PTK2B: variants seen among roughly 807,000 people sequenced by gnomAD.
PTK2B encodes protein-tyrosine kinase 2-beta.
Under a neutral mutation model 142.9 loss-of-function variants are expected in PTK2B, and 71 were observed. The observed-to-expected ratio is 0.50, with a 90% CI of 0.41 to 0.61. The LOEUF is 0.61. Among genes scored for constraint, PTK2B ranks in the 20% least tolerant of loss-of-function variants. The probability of loss-of-function intolerance (pLI) is 0.00; values close to 1 mark genes in which losing one functional copy is unlikely to be tolerated. For missense variants in PTK2B, 1,105 were observed against 1,320.4 expected, an observed-to-expected ratio of 0.84 and a Z score of 2.53; for synonymous variants, 519 against 503.4, an observed-to-expected ratio of 1.03 and a Z score of -0.42.
chr8:27,388,839 G>T (rs1807535145), intron 1 of PTK2B, among the ~76,000 whole-genome samples: 1 of 152,216 alleles, frequency 6.6e-6, no homozygotes, highest in Non-Finnish European at 1.5e-5. Context: ...CACCTGTGCT[G>T]TATCCTTGTG....
chr8:27,435,706 ATCTTGTCCACGGCTGAGCC>A lies in PTK2B; in HGVS notation c.1193-32_1193-14del. ...ATTCCTGGCGGTGCCCACCAAGGGC[ATCTTGTCCACGGCTGAGCC>A]TCTTCCTGTTGTTCCAGAGTCAGAC... is the stretch of plus-strand genomic sequence containing the variant. On this transcript the variant is annotated intron_variant, in intron 13 of 30. Coordinates refer to ENST00000346049, the MANE Select transcript of PTK2B (RefSeq NM_173176.3). 6.2e-7 allele frequency: 1 copy of A among 1,612,368 alleles called. No homozygotes were observed. Among genetic ancestry groups the A allele is most frequent in the Non-Finnish European group, 8.5e-7 (1 of 1,178,492 alleles).
intron 3 of PTK2B, 113 bp from the exon 4 acceptor site, chr8:27,420,544 G>A: frequency 1.0e-6 from 1 of 984,292 alleles, no homozygotes; most frequent in Non-Finnish European, 1.6e-6. Context: ...AGACTCATGG[G>A]CAGCCCTTCC....
At chr8:27,406,956 A>G (rs1385838019) in intron 2 of PTK2B, among the ~76,000 whole-genome samples, 1 of 151,966 alleles carries the variant, frequency 6.6e-6, no homozygotes, top group Non-Finnish European at 1.5e-5. Context: ...CTTTGGGGGG[A>G]AAAATCTGTG....
intron 1 of PTK2B, among the ~76,000 whole-genome samples, chr8:27,373,814 G>C (rs1158951108): frequency 6.6e-6 from 1 of 151,990 alleles, no homozygotes; most frequent in Admixed American, 6.6e-5. Context: ...AAGCAGGAGA[G>C]GCCCTGAGAG....
intron 1 of PTK2B, among the ~76,000 whole-genome samples, chr8:27,371,286 C>T (rs1806340990): frequency 6.6e-6 from 1 of 152,144 alleles, no homozygotes; most frequent in African/African-American, 2.4e-5. Flanking sequence ...GAGGGAGCTA[C>T]ACAGAGGGCA....
chr8:27,343,997 C>T (rs375477869), intron 1 of PTK2B, among the ~76,000 whole-genome samples: 56 of 151,608 alleles, frequency 3.7e-4, no homozygotes, highest in African/African-American at 1.3e-3. Flanking sequence ...AGCGAGAATC[C>T]GTCTCAAAAA....
At chr8:27,318,789 T>TA (rs1220758046) in intron 3 of PTK2B, among the ~76,000 whole-genome samples, 4 of 152,144 alleles carry the variant, frequency 2.6e-5, no homozygotes, top group Non-Finnish European at 5.9e-5. Context: ...TAGCTGGAAT[T>TA]ACAGGTATGC....
rs1812344678 is a variant in PTK2B at position 27,459,238 on chromosome 8, CCCTTGCTTTT to C, written c.*732_*741del. 1 of 233,878 alleles carries C rather than the reference CCCTTGCTTTT, an allele frequency of 4.3e-6. No individual in the cohort carries two copies. Among genetic ancestry groups the C allele is most frequent in the Non-Finnish European group, 8.4e-6 (1 of 118,594 alleles). The allele number at this position is 233,878 out of a possible 1,614,324, so 14.5% of individuals were successfully genotyped here. On this transcript the variant is annotated 3_prime_UTR_variant, in exon 31 of 31. Transcript: ENST00000346049. ...CTCTTTCTCTTTCTTCCTTTACTTT[CCCTTGCTTTT>C]CCCTCTTTTCTTACTCCTCCTCTTT...
rs779611649 is a variant in PTK2B, at chr8:27,454,599, T to G, written c.2802T>G (p.Ser934=). The change falls in exon 30 of 31, where the codon TCT becomes TCG. Residue 934 remains serine (S), a synonymous_variant. Coordinates refer to ENST00000346049, the MANE Select transcript of PTK2B (RefSeq NM_173176.3). ...ATCTCCTGCCTTCCTTGCCGTCATC[T>G]TCACGGACAGAGGTGAGCGTCCCAT... ...VDDLLPSLPS[S]SRTEIEGTQK... The G allele has an allele frequency of 6.2e-7, 1 of 1,614,120 alleles. No individual in the cohort carries two copies. Among genetic ancestry groups the G allele is most frequent in the Non-Finnish European group, 8.5e-7 (1 of 1,179,972 alleles).
At chr8:27,311,317 G>A (rs916676925), upstream of PTK2B, 19 of 1,420,426 alleles carry the variant, frequency 1.3e-5, no homozygotes, top group Admixed American at 2.8e-5. Context: ...CGCGACCCGA[G>A]TGCTGGGAAT....
chr8:27,413,314 G>A (rs1235244645), intron 2 of PTK2B, among the ~76,000 whole-genome samples: 5 of 152,198 alleles, frequency 3.3e-5, no homozygotes, highest in African/African-American at 1.2e-4. Flanking sequence ...ATCTAAATCA[G>A]GAAGTCAGCG....
chr8:27,314,456 T>C (rs1259333408), intron 3 of PTK2B, among the ~76,000 whole-genome samples: 1 of 152,182 alleles, frequency 6.6e-6, no homozygotes, highest in Non-Finnish European at 1.5e-5. Flanking sequence ...GGTGTGCGCC[T>C]ATAGCCTGAG....
chr8:27,419,218 C>G (rs560871335), intron 2 of PTK2B, among the ~76,000 whole-genome samples: 23 of 152,310 alleles, frequency 1.5e-4, no homozygotes, highest in African/African-American at 5.3e-4. Flanking sequence ...CAAGAGGGCA[C>G]GTGGTTTCTT....
At chr8:27,398,283 G>A (rs1382325096) in intron 2 of PTK2B, among the ~76,000 whole-genome samples, 3 of 152,170 alleles carry the variant, frequency 2.0e-5, no homozygotes, top group Non-Finnish European at 4.4e-5. Flanking sequence ...CCAGGTGGAG[G>A]GTTAACAGGT....
intron 10 of PTK2B, 56 bp from the exon 11 acceptor site, chr8:27,433,379 G>A (rs756134064): frequency 1.4e-6 from 2 of 1,457,584 alleles, no homozygotes; most frequent in South Asian, 2.3e-5. Flanking sequence ...CAGCCCTGGG[G>A]GTGGTCTCTA....
chr8:27,366,993 G>A (rs73568017), intron 1 of PTK2B, among the ~76,000 whole-genome samples: 6,813 of 152,240 alleles, frequency 0.045, 493 homozygotes, highest in African/African-American at 0.16. Flanking sequence ...GAGGTAGAAG[G>A]TGCCTGAGAC....
chr8:27,386,705 T>C (rs972222106), intron 1 of PTK2B, among the ~76,000 whole-genome samples: 1 of 152,176 alleles, frequency 6.6e-6, no homozygotes, highest in African/African-American at 2.4e-5. Flanking sequence ...TCTGTTTACA[T>C]AAAGCAAATG....
At chr8:27,448,498 C>T (rs976108186) in intron 24 of PTK2B, among the ~76,000 whole-genome samples, 1 of 152,212 alleles carries the variant, frequency 6.6e-6, no homozygotes, top group South Asian at 2.1e-4. Flanking sequence ...TGGAAGGCAT[C>T]AGGATGTCTC....
intron 1 of PTK2B, among the ~76,000 whole-genome samples, chr8:27,379,374 A>T (rs1219289923): frequency 6.6e-6 from 1 of 152,198 alleles, no homozygotes; most frequent in Non-Finnish European, 1.5e-5. Flanking sequence ...CTACAGGCAC[A>T]TGCCACCATG....
Sources: gnomAD v4.1 joint callset for allele counts (sites outside exome capture counted in the v4.1 genomes callset) on GRCh38, gnomAD v4.1.1 for gene constraint, MANE v1.5 for transcripts, NCBI Gene and HGNC (gene_info 2026-07-23, HGNC 2026-07-21) for gene names.